IFFO2: variants seen among roughly 807,000 people sequenced by gnomAD.
IFFO2 encodes intermediate filament family orphan 2.
In IFFO2, 19 loss-of-function variants were observed where a neutral mutation model predicts 53.5. That is an observed-to-expected ratio of 0.36 (90% CI 0.25 to 0.52). IFFO2 has a LOEUF of 0.52. Ranked by LOEUF, IFFO2 falls within the 20% of genes least tolerant of loss-of-function variation. The pLI is 0.94. For synonymous variants in IFFO2, 303 were observed against 313.6 expected (o/e 0.97, Z 0.36); for missense variants, 570 against 727.4 (o/e 0.78, Z 2.49).
Position 18,916,617 on chromosome 1 carries a change from A to G in IFFO2, c.1103+286T>C, listed in dbSNP as rs1247184617. Among the ~76,000 whole-genome samples, 1 of 152,080 alleles carries G rather than the reference A, an allele frequency of 6.6e-6. No homozygotes were observed. The highest frequency in any genetic ancestry group is 2.4e-5 in the African/African-American group (1 of 41,386). On this transcript the variant is annotated intron_variant, in intron 5 of 8. Transcript: ENST00000455833. The surrounding 1 kb of genome is among the most constrained non-coding windows in gnomAD (Gnocchi z 4.3). ...CCTGTCTCTACAAAAAAATTTAAAA[A>G]TTAGCTGGGCATGGTGGCACATGCC...
chr1:18,937,226 CA>C (rs1936461193), intron 1 of IFFO2, among the ~76,000 whole-genome samples: 1 of 152,178 alleles, frequency 6.6e-6, no homozygotes, highest in African/African-American at 2.4e-5. Context: ...GGGGCTTGTG[CA>C]ACCAAGGATG....
At chr1:18,923,878 C>T (rs1452789519) in intron 1 of IFFO2, among the ~76,000 whole-genome samples, 1 of 152,084 alleles carries the variant, frequency 6.6e-6, no homozygotes, top group Non-Finnish European at 1.5e-5. Flanking sequence ...GCCCCTCCAC[C>T]TCACCTCTCC....
intron 8 of IFFO2, among the ~76,000 whole-genome samples, chr1:18,909,246 A>G (rs1337538218): frequency 1.3e-5 from 2 of 152,172 alleles, no homozygotes; most frequent in Non-Finnish European, 2.9e-5. Context: ...CCTCTCGTAC[A>G]GTAATGCAGC....
Position 18,919,840 on chromosome 1 carries a change from C to G in IFFO2, c.727-67G>C, listed in dbSNP as rs1936192564. 8.5e-7 allele frequency: 1 copy of G among 1,174,844 alleles called. No individual in the cohort carries two copies. Among genetic ancestry groups the G allele is most frequent in the East Asian group, 2.6e-5 (1 of 39,134 alleles). The allele number at this position is 1,174,844 out of a possible 1,614,324, so 72.8% of individuals were successfully genotyped here. ...CTCTGGGGATAGGAGGGTCTGGACA[C>G]CTGAGTCCAGAGCCCTAGGCACCCG... On this transcript the variant is annotated intron_variant, in intron 2 of 8. Coordinates refer to ENST00000455833, the MANE Select transcript of IFFO2 (RefSeq NM_001136265.2). This position sits in a 1 kb window ranked among gnomAD's most constrained non-coding sequence, Gnocchi z 4.9.
chr1:18,938,060 G>C (rs563204036), intron 1 of IFFO2, among the ~76,000 whole-genome samples: 18 of 151,540 alleles, frequency 1.2e-4, no homozygotes, highest in African/African-American at 4.4e-4. Flanking sequence ...AAGCCGGCTT[G>C]GGGCAAAGTG....
In IFFO2 at chr1:18,936,624, C is replaced by G. The variant is rs1044358984; in HGVS notation, c.666-15503G>C. ...CTAATATGTACTTTGGGTCTCTCCACTGTTTATTCCAAGTGACTGTGCTGC... is the reference window on the plus strand; with the variant it reads ...CTAATATGTACTTTGGGTCTCTCCAGTGTTTATTCCAAGTGACTGTGCTGC... On this transcript the variant is annotated intron_variant, in intron 1 of 8. Coordinates refer to ENST00000455833, the MANE Select transcript of IFFO2 (RefSeq NM_001136265.2). This position sits in a 1 kb window ranked among gnomAD's most constrained non-coding sequence, Gnocchi z 4.5. 1.3e-5 allele frequency among the ~76,000 whole-genome samples: 2 copies of G among 152,242 alleles called. No individual in the cohort carries two copies. The highest frequency in any genetic ancestry group is 4.8e-5 in the African/African-American group (2 of 41,468).
chr1:18,951,448 A>T (rs78244405), intron 1 of IFFO2, among the ~76,000 whole-genome samples: 2,584 of 152,320 alleles, frequency 0.017, 50 homozygotes, highest in East Asian at 0.095. Flanking sequence ...AGCCACTCGC[A>T]CGGGAGGGAA....
intron 1 of IFFO2, among the ~76,000 whole-genome samples, chr1:18,950,998 C>T (rs1163589383): frequency 1.3e-5 from 2 of 152,190 alleles, no homozygotes; most frequent in African/African-American, 4.8e-5. Context: ...GGCATCATGT[C>T]GAGGCGGGGA....
intron 2 of IFFO2, 102 bp downstream of exon 2, chr1:18,920,959 G>A: frequency 3.2e-6 from 3 of 941,754 alleles, no homozygotes; most frequent in South Asian, 2.8e-5. Context: ...CAGAGTAGGG[G>A]CTGTGCAAGA....
chr1:18,926,761 C>T (rs926877467), intron 1 of IFFO2, among the ~76,000 whole-genome samples: 7 of 151,920 alleles, frequency 4.6e-5, no homozygotes, highest in Non-Finnish European at 1.0e-4. Flanking sequence ...CACACAGACC[C>T]GCAGGAAAGG....
chr1:18,921,316 A>T (rs944693486), intron 1 of IFFO2, among the ~76,000 whole-genome samples, 195 bp from the exon 2 acceptor site: 1 of 152,208 alleles, frequency 6.6e-6, no homozygotes, highest in South Asian at 2.1e-4. Flanking sequence ...CCAGGCTGAC[A>T]TATAACCAGA....
chr1:18,951,071 T>C (rs1936654119), intron 1 of IFFO2, among the ~76,000 whole-genome samples: 1 of 152,234 alleles, frequency 6.6e-6, no homozygotes, highest in Admixed American at 6.5e-5. Context: ...AGCCCCCCTC[T>C]GGGCCTTGGT....
chr1:18,942,708 G>C (rs77941383), intron 1 of IFFO2, among the ~76,000 whole-genome samples: 1 of 152,166 alleles, frequency 6.6e-6, no homozygotes, highest in Non-Finnish European at 1.5e-5. Context: ...GCTCAGAAAA[G>C]GAATAACCTA....
chr1:18,941,358 G>C (rs1467098280), intron 1 of IFFO2, among the ~76,000 whole-genome samples: 1 of 152,220 alleles, frequency 6.6e-6, no homozygotes, highest in East Asian at 1.9e-4. Flanking sequence ...GGGGTGATGT[G>C]CTTGGACTTA....
chr1:18,955,548 G>C (rs1936712560), intron 1 of IFFO2, 120 bp downstream of exon 1: 2 of 1,372,586 alleles, frequency 1.5e-6, no homozygotes, highest in Non-Finnish European at 1.9e-6. Flanking sequence ...TGCAAACACA[G>C]CTTCCAGCCC....
intron 1 of IFFO2, among the ~76,000 whole-genome samples, chr1:18,930,648 C>T (rs1021976278): frequency 1.6e-4 from 25 of 152,304 alleles, no homozygotes; most frequent in African/African-American, 5.8e-4. Context: ...GGCAGGAGAG[C>T]CCAGCTGGTC....
intron 1 of IFFO2, among the ~76,000 whole-genome samples, chr1:18,949,905 A>T (rs1936638584): frequency 6.6e-6 from 1 of 152,220 alleles, no homozygotes; most frequent in Non-Finnish European, 1.5e-5. Context: ...TCCTCTGAGA[A>T]GGAATCTTCA....
rs904572614 is a variant in IFFO2, at chr1:18,911,829, G to A, written c.1224+134C>T. 7.6e-6 allele frequency: 9 copies of A among 1,181,394 alleles called. No homozygotes were observed. In the Admixed American group the frequency reaches 2.2e-4, roughly 29 times the overall value. 73.2% of individuals were successfully genotyped at this position (1,181,394 alleles called of 1,614,324 possible). A position where few individuals can be genotyped will look rare whatever the true frequency, so the allele number is the denominator to read the frequency against. On this transcript the variant is annotated intron_variant, in intron 6 of 8. Coordinates refer to ENST00000455833, the MANE Select transcript of IFFO2 (RefSeq NM_001136265.2). ...GCTGGGATTACAGGCATGAGCCACT[G>A]CGCCTGGCCCAAAGGGGACAGTTTA...
At chr1:18,933,432 G>T (rs938021243) in intron 1 of IFFO2, among the ~76,000 whole-genome samples, 25 of 152,308 alleles carry the variant, frequency 1.6e-4, no homozygotes, top group African/African-American at 5.8e-4. Context: ...TGGGTGGCTG[G>T]GGATTATGGG....
Sources: allele counts gnomAD v4.1 joint callset (sites outside exome capture counted in the v4.1 genomes callset), GRCh38; gene constraint gnomAD v4.1.1; non-coding constraint Gnocchi (gnomAD v3.1); transcripts MANE v1.5; gene names NCBI Gene and HGNC (gene_info 2026-07-23, HGNC 2026-07-21).